The following NEMF variants were observed in gnomAD, a reference collection of about 807,000 sequenced individuals.
The protein encoded by NEMF is ribosome quality control complex subunit NEMF.
In NEMF, 89 loss-of-function variants were observed where a neutral mutation model predicts 162.2. The ratio of observed to expected loss-of-function variants is 0.55; its 90% confidence interval spans 0.46 to 0.65. The LOEUF (loss-of-function observed/expected upper bound fraction) is 0.65. Among genes scored for constraint, NEMF ranks in the 30% least tolerant of loss-of-function variants. The pLI is 0.00. For missense variants in NEMF, 1,133 were observed against 1,261.9 expected (o/e 0.90, Z 1.55); for synonymous variants, 421 against 404.5 (o/e 1.04, Z -0.49).
At chr14:49,850,698 G>A (rs1026538332) in intron 3 of NEMF, among the ~76,000 whole-genome samples, 3 of 151,218 alleles carry the variant, frequency 2.0e-5, no homozygotes, top group African/African-American at 7.3e-5. Flanking sequence ...ACATATTAAT[G>A]TCAGTGAGTA....
intron 3 of NEMF, 41 bp downstream of exon 3, chr14:49,851,522 A>C (rs753128787): frequency 1.4e-5 from 18 of 1,331,086 alleles, no homozygotes; most frequent in Non-Finnish European, 1.9e-5. Flanking sequence ...ATTGTTAGTG[A>C]GCAATCTCTT....
chr14:49,842,828 G>A (rs1484196645), intron 4 of NEMF, among the ~76,000 whole-genome samples: 1 of 152,074 alleles, frequency 6.6e-6, no homozygotes, highest in Non-Finnish European at 1.5e-5. Context: ...CCAACATGGT[G>A]AATCCCTGTT....
intron 18 of NEMF, 123 bp from the exon 19 acceptor site, chr14:49,806,256 A>ATATAT (rs1458069194): frequency 9.9e-4 from 38 of 38,556 alleles, no homozygotes; most frequent in South Asian, 1.5e-3. Context: ...ATATATATAT[A>ATATAT]TTTTTTTTTT....
intron 26 of NEMF, among the ~76,000 whole-genome samples, chr14:49,794,982 T>C (rs552811547): frequency 2.0e-5 from 3 of 152,168 alleles, no homozygotes; most frequent in African/African-American, 7.2e-5. Context: ...CCTCCCAAAG[T>C]GCTGAGATTA....
chr14:49,803,595 G>A (rs933577874), intron 19 of NEMF, among the ~76,000 whole-genome samples: 61 of 150,304 alleles, frequency 4.1e-4, no homozygotes, highest in African/African-American at 1.5e-3. Flanking sequence ...GCACAATCTC[G>A]GCTCACTGTA....
At chr14:49,811,371 T>C (rs924498122) in intron 18 of NEMF, among the ~76,000 whole-genome samples, 2 of 152,218 alleles carry the variant, frequency 1.3e-5, no homozygotes, top group Non-Finnish European at 2.9e-5. Flanking sequence ...GTTTTTTAAA[T>C]GTGTGTGACC....
Position 49,792,977 on chromosome 14 carries a change from TC to T in NEMF, c.2619+2813del, listed in dbSNP as rs1566652003. 3.3e-5 allele frequency among the ~76,000 whole-genome samples: 5 copies of T among 152,026 alleles called. No homozygotes were observed. The East Asian group carries it at 5.8e-4, about 18-fold the overall frequency. On this transcript the variant is annotated intron_variant, in intron 26 of 32. Transcript: ENST00000298310. ...GCCTGGGCAACAGAGTGACACCCTG[TC>T]TCAAAAAAACAAACAAAAAGAATGC... is the stretch of plus-strand genomic sequence containing the variant.
rs756828408 is a variant in NEMF, at chr14:49,851,549, C to T, written c.231+14G>A. On this transcript the variant is annotated intron_variant, in intron 3 of 32. Coordinates refer to ENST00000298310, the MANE Select transcript of NEMF (RefSeq NM_004713.6). ...CAATCTCTTAAAATTTAGCTTCAAG[C>T]GTAACAAGTTTACCTTCATGGCAAA... is the stretch of plus-strand genomic sequence containing the variant. 8 of 1,567,164 alleles carry T rather than the reference C, an allele frequency of 5.1e-6. No individual in the cohort carries two copies. The highest frequency in any genetic ancestry group is 2.2e-5 in the South Asian group (2 of 89,816).
rs924331937 is a variant in NEMF at position 49,800,355 on chromosome 14, T to C, written c.2372+65A>G. 17 of 1,183,602 alleles carry C rather than the reference T, an allele frequency of 1.4e-5. No homozygotes were observed. The African/African-American group carries it at 1.9e-4, about 13-fold the overall frequency. The allele number at this position is 1,183,602 out of a possible 1,614,324, so 73.3% of individuals were successfully genotyped here. ...GATGTCAATCTTGGTATTATCTTTG[T>C]AAGGATTACCTCATCATCATTCTCA... On this transcript the variant is annotated intron_variant, in intron 23 of 32. Transcript: ENST00000298310.
At chr14:49,826,151 A>G (rs1892331697) in intron 15 of NEMF, among the ~76,000 whole-genome samples, 196 bp from the exon 16 acceptor site, 1 of 152,188 alleles carries the variant, frequency 6.6e-6, no homozygotes, top group African/African-American at 2.4e-5. Context: ...CTGAAGTATT[A>G]AAATAATCTA....
chr14:49,792,914 G>A (rs4900956), intron 26 of NEMF, among the ~76,000 whole-genome samples: 147,059 of 152,274 alleles, frequency 0.97, 71,231 homozygotes, highest in East Asian at 1. Flanking sequence ...CCAGGAGATC[G>A]AGGCTGCAGT....
Position 49,828,766 on chromosome 14 carries a change from TCAA to T in NEMF, c.1271_1273del (p.Val424del). On this transcript the variant is annotated inframe_deletion, in exon 14 of 33. Coordinates refer to ENST00000298310, the MANE Select transcript of NEMF (RefSeq NM_004713.6). The stretch of plus-strand genomic sequence containing the variant: ...ATTTTTCTCAACATTGACGTCACCA[TCAA>T]CATCATCATCTTCCTCCTCTGATAA... 1 of 1,557,332 alleles carries T rather than the reference TCAA, an allele frequency of 6.4e-7. No individual in the cohort carries two copies. The highest frequency in any genetic ancestry group is 2.3e-5 in the East Asian group (1 of 44,300).
Position 49,828,690 on chromosome 14 carries a change from C to A in NEMF, c.1350G>T (p.Leu450=). 1 of 1,605,626 alleles carries A rather than the reference C, an allele frequency of 6.2e-7. No individual in the cohort carries two copies. The highest frequency in any genetic ancestry group is 8.5e-7 in the Non-Finnish European group (1 of 1,177,860). The change falls in exon 14 of 33, where the codon CTG becomes CTT. Residue 450 remains leucine (L), a synonymous_variant. Coordinates refer to ENST00000298310, the MANE Select transcript of NEMF (RefSeq NM_004713.6). ...GKKKKQKNKQ[L]QKPQKNKPLL... The stretch of plus-strand genomic sequence containing the variant: ...AGGGCTTATTTTTCTGAGGCTTCTG[C>A]AGCTGTTTATTCTTTTGTTTTTTCT...
intron 16 of NEMF, among the ~76,000 whole-genome samples, chr14:49,818,718 C>T (rs1891844008): frequency 6.6e-6 from 1 of 152,046 alleles, no homozygotes; most frequent in Non-Finnish European, 1.5e-5. Context: ...ATGTAAAATA[C>T]AGCAAATAAG....
chr14:49,833,298 C>T (rs1296508054), intron 8 of NEMF, 125 bp downstream of exon 8: 2 of 520,622 alleles, frequency 3.8e-6, no homozygotes, highest in Non-Finnish European at 6.6e-6. Context: ...CTGGAATAAG[C>T]ATATTACAGA....
intron 5 of NEMF, 31 bp from the exon 6 acceptor site, chr14:49,838,237 T>C: frequency 6.3e-7 from 1 of 1,591,552 alleles, no homozygotes; most frequent in East Asian, 2.2e-5. Flanking sequence ...GCCTCTATCA[T>C]ATCTTAAATA....
At chr14:49,809,797 G>A (rs995476183) in intron 18 of NEMF, among the ~76,000 whole-genome samples, 19 of 151,714 alleles carry the variant, frequency 1.3e-4, no homozygotes, top group Non-Finnish European at 1.9e-4. Flanking sequence ...GGAGGCAGAC[G>A]TTGCAGTAAG....
At chr14:49,824,600 A>AT (rs929470193) in intron 16 of NEMF, among the ~76,000 whole-genome samples, 61 of 146,674 alleles carry the variant, frequency 4.2e-4, no homozygotes, top group Non-Finnish European at 5.0e-4. Flanking sequence ...TCTATACTCA[A>AT]TTTTTTTTTT....
chr14:49,784,346 G>A lies in NEMF; in HGVS notation c.*290C>T, dbSNP rs888911973. 95 of 256,956 alleles carry A rather than the reference G, an allele frequency of 3.7e-4. No homozygotes were observed. In the East Asian group the frequency reaches 7.6e-3, roughly 21 times the overall value. 15.9% of individuals were successfully genotyped at this position (256,956 alleles called of 1,614,324 possible). A position where few individuals can be genotyped will look rare whatever the true frequency, so the allele number is the denominator to read the frequency against. ...GTTCAGTTTCTTTACATCATGAAAT[G>A]AATACTTGGTATTAACCTCCCAAAT... On this transcript the variant is annotated 3_prime_UTR_variant, in exon 33 of 33. Transcript: ENST00000298310.
Sources: gnomAD v4.1 joint callset for allele counts (sites outside exome capture counted in the v4.1 genomes callset) on GRCh38, gnomAD v4.1.1 for gene constraint, MANE v1.5 for transcripts, NCBI Gene and HGNC (gene_info 2026-07-23, HGNC 2026-07-21) for gene names.